Variants in FER observed in about 807,000 individuals in gnomAD.
The protein encoded by FER is FER tyrosine kinase.
FER carries 63 observed loss-of-function variants against 111.0 expected under a neutral mutation model. The observed-to-expected ratio is 0.57, with a 90% confidence interval of 0.46 to 0.70. FER has a LOEUF of 0.70. Ranked by LOEUF, FER falls within the 30% of genes least tolerant of loss-of-function variation. FER has a pLI of 0.00. For synonymous variants in FER, 327 were observed against 313.9 expected, an observed-to-expected ratio of 1.04 and a Z score of -0.44; for missense variants, 914 against 954.0, an observed-to-expected ratio of 0.96 and a Z score of 0.55.
chr5:109,171,802 C>A (rs1241673245), intron 17 of FER, among the ~76,000 whole-genome samples: 1 of 152,122 alleles, frequency 6.6e-6, no homozygotes, highest in Non-Finnish European at 1.5e-5. Context: ...TTTATTGTAG[C>A]CTCAGACAGC....
rs527898940 is a variant in FER at position 108,775,780 on chromosome 5, A to T, written c.-60+7542A>T. On this transcript the variant is annotated intron_variant, in intron 2 of 19. Coordinates refer to ENST00000281092, the MANE Select transcript of FER (RefSeq NM_005246.4). ...ATGTCCATAGGTAGTGAAGGTCAGC[A>T]TATGTTAATTGGTAATGAATGATAT... Among the ~76,000 whole-genome samples the T allele has an allele frequency of 4.6e-5, 7 of 152,338 alleles. 1 individual carries two copies. The South Asian group carries it at 1.4e-3, about 32-fold the overall frequency.
At chr5:109,129,013 T>C (rs7704839) in intron 17 of FER, among the ~76,000 whole-genome samples, 5,440 of 152,176 alleles carry the variant, frequency 0.036, 128 homozygotes, top group Middle Eastern at 0.092. Context: ...GTGGAAATAG[T>C]ATATTGTTAA....
chr5:109,193,032 A>G lies in FER; in HGVS notation c.*5457A>G, dbSNP rs1247848924. The G allele has an allele frequency of 1.3e-5, 2 of 152,154 alleles. No individual in the cohort carries two copies. Among genetic ancestry groups the G allele is most frequent in the Non-Finnish European group, 2.9e-5 (2 of 68,030 alleles). 9.4% of individuals were successfully genotyped at this position (152,154 alleles called of 1,614,324 possible). On this transcript the variant is annotated 3_prime_UTR_variant, in exon 20 of 20. Transcript: ENST00000281092. The stretch of plus-strand genomic sequence containing the variant: ...ATAGCCAACAATAAATGCAATAACA[A>G]TAAAGGAAACTAACCCTCACAAAGG...
At chr5:108,779,906 C>T (rs751942566) in intron 2 of FER, among the ~76,000 whole-genome samples, 2 of 152,166 alleles carry the variant, frequency 1.3e-5, no homozygotes, top group Non-Finnish European at 2.9e-5. Flanking sequence ...TAATTACCAC[C>T]TCCATCCTTT....
intron 17 of FER, among the ~76,000 whole-genome samples, chr5:109,144,214 C>T (rs1753816992): frequency 6.6e-6 from 1 of 151,900 alleles, no homozygotes; most frequent in Non-Finnish European, 1.5e-5. Context: ...CCATTTTTAC[C>T]AATAGGTTTT....
chr5:108,772,599 A>C (rs544149143), intron 2 of FER, among the ~76,000 whole-genome samples: 1 of 152,252 alleles, frequency 6.6e-6, no homozygotes, highest in African/African-American at 2.4e-5. Flanking sequence ...ATAGCTGGAG[A>C]TAACATTGTC....
chr5:108,754,301 G>A (rs910015886), intron 1 of FER, among the ~76,000 whole-genome samples: 1 of 151,314 alleles, frequency 6.6e-6, no homozygotes, highest in African/African-American at 2.4e-5. Flanking sequence ...CTACTACTAA[G>A]GTGGCTAAGG....
intron 18 of FER, 44 bp from the exon 19 acceptor site, chr5:109,186,156 G>C (rs761736538): frequency 1.2e-6 from 2 of 1,613,894 alleles, no homozygotes; most frequent in Non-Finnish European, 8.5e-7. Flanking sequence ...TCACCTACTT[G>C]TCTACTGTGC....
intron 3 of FER, among the ~76,000 whole-genome samples, chr5:108,826,550 G>A (rs1357946198): frequency 6.6e-6 from 1 of 152,194 alleles, no homozygotes; most frequent in African/African-American, 2.4e-5. Flanking sequence ...TCTGCACCTG[G>A]ACAGTTCTTG....
At chr5:108,865,160 G>C (rs1439457318) in intron 5 of FER, among the ~76,000 whole-genome samples, 1 of 152,088 alleles carries the variant, frequency 6.6e-6, no homozygotes. Flanking sequence ...CTCTCTGTCT[G>C]TTATTGGTGT....
At chr5:108,835,016 A>G (rs1760465768) in intron 4 of FER, among the ~76,000 whole-genome samples, 1 of 152,146 alleles carries the variant, frequency 6.6e-6, no homozygotes, top group Non-Finnish European at 1.5e-5. Context: ...TTTTCCTTAA[A>G]TTGCATTCAA....
At chr5:109,167,818 A>C (rs976111381) in intron 17 of FER, among the ~76,000 whole-genome samples, 9 of 152,166 alleles carry the variant, frequency 5.9e-5, no homozygotes, top group African/African-American at 2.2e-4. Context: ...ATTGTTGCCT[A>C]TAGTCTAGAC....
intron 3 of FER, among the ~76,000 whole-genome samples, chr5:108,809,446 T>G (rs1757524665): frequency 6.6e-6 from 1 of 152,272 alleles, no homozygotes; most frequent in Admixed American, 6.5e-5. Flanking sequence ...TTTAAGATGC[T>G]GATGTATTCC....
At chr5:108,987,342 A>G (rs1762685511) in intron 13 of FER, among the ~76,000 whole-genome samples, 1 of 152,204 alleles carries the variant, frequency 6.6e-6, no homozygotes, top group East Asian at 1.9e-4. Flanking sequence ...GCTACTTGGG[A>G]GGCTAAGGCA....
chr5:109,178,219 T>A (rs570285029), intron 17 of FER, among the ~76,000 whole-genome samples: 12 of 152,182 alleles, frequency 7.9e-5, no homozygotes. Context: ...GCATAGATTA[T>A]CTCAAAAAGA....
chr5:109,063,208 AT>A (rs1360887643), intron 16 of FER, among the ~76,000 whole-genome samples: 1 of 152,176 alleles, frequency 6.6e-6, no homozygotes, highest in Non-Finnish European at 1.5e-5. Context: ...TCTATAGTAC[AT>A]TTCACTAATT....
At chr5:108,786,682 A>G (rs1228706493) in intron 2 of FER, among the ~76,000 whole-genome samples, 1 of 151,988 alleles carries the variant, frequency 6.6e-6, no homozygotes, top group African/African-American at 2.4e-5. Context: ...TTGTATGTTT[A>G]GTGGAGACAG....
rs1242909858 is a variant in FER, at chr5:109,046,586, TG to T, written c.1830-517del. 5.9e-5 allele frequency among the ~76,000 whole-genome samples: 9 copies of T among 152,300 alleles called. No homozygotes were observed. The South Asian group carries it at 1.0e-3, about 18-fold the overall frequency. On this transcript the variant is annotated intron_variant, in intron 15 of 19. Transcript: ENST00000281092. Reference sequence around the variant, plus strand: ...TTGCATCCACATTATGTTGCCAATATGTATCAGTATGGTTGGGCCTCTGTCT... The same window carrying T: ...TTGCATCCACATTATGTTGCCAATATTATCAGTATGGTTGGGCCTCTGTCT...
rs12189394 is a variant in FER, at chr5:108,990,754, A to G, written c.1656+31407A>G. On this transcript the variant is annotated intron_variant, in intron 13 of 19. Transcript: ENST00000281092. Reference sequence around the variant, plus strand: ...GAAGAGTAATTATTCAGTGAAATAGATGAGTCATCTTTATTAACATCTTTA... The same window carrying G: ...GAAGAGTAATTATTCAGTGAAATAGGTGAGTCATCTTTATTAACATCTTTA... Among the ~76,000 whole-genome samples the G allele has an allele frequency of 4.7e-3, 721 of 151,892 alleles. 2 individuals are homozygous for G. Among genetic ancestry groups the G allele is most frequent in the Non-Finnish European group, 8.8e-3 (597 of 67,728 alleles).
Sources: gnomAD v4.1 joint callset for allele counts (sites outside exome capture counted in the v4.1 genomes callset) on GRCh38, gnomAD v4.1.1 for gene constraint, MANE v1.5 for transcripts, NCBI Gene and HGNC (gene_info 2026-07-23, HGNC 2026-07-21) for gene names.